The following SEMA6D variants were observed in gnomAD, a reference collection of about 807,000 sequenced individuals.
SEMA6D encodes the protein semaphorin 6D.
SEMA6D carries 35 observed loss-of-function variants against 106.6 expected under a neutral mutation model. The ratio of observed to expected loss-of-function variants is 0.33; its 90% CI spans 0.25 to 0.44. SEMA6D has a LOEUF of 0.44. SEMA6D is among the 20% of genes least tolerant of loss of function. SEMA6D has a pLI of 1.00. For synonymous variants in SEMA6D, 499 were observed against 487.7 expected, an observed-to-expected ratio of 1.02 and a Z score of -0.31; for missense variants, 1,185 against 1,345.9, an observed-to-expected ratio of 0.88 and a Z score of 1.87.
At position 47,720,904 on chromosome 15, in the gene SEMA6D, A is replaced by G. The variant is rs146493209; in HGVS notation, c.-55+3212A>G. 6.0e-3 allele frequency among the ~76,000 whole-genome samples: 913 copies of G among 152,362 alleles called. 7 individuals are homozygous for G. The highest frequency in any genetic ancestry group is 0.021 in the Admixed American group (315 of 15,306). On this transcript the variant is annotated intron_variant, in intron 1 of 18. Coordinates refer to ENST00000536845, the MANE Select transcript of SEMA6D (RefSeq NM_001358351.3). Reference sequence around the variant, plus strand: ...GAGCCTGGCTGAATGCCTAACCATTAGTAGTGTAACCGTAGGAGGTGAACT... The same window carrying G: ...GAGCCTGGCTGAATGCCTAACCATTGGTAGTGTAACCGTAGGAGGTGAACT...
Position 47,770,641 on chromosome 15 carries a change from A to G in SEMA6D, c.2078A>G (p.Lys693Arg), listed in dbSNP as rs747256515. 6.2e-7 allele frequency: 1 copy of G among 1,614,080 alleles called. No individual in the cohort carries two copies. Among genetic ancestry groups the G allele is most frequent in the South Asian group, 1.1e-5 (1 of 91,074 alleles). Residue 693 changes from lysine to arginine, a missense_variant, in exon 19 of 19, where the codon AAA (lysine) becomes AGA (arginine). Transcript: ENST00000536845. ...VYCYRDMFVRKNRKIHKDAES... is the reference protein window; with the variant it reads ...VYCYRDMFVRRNRKIHKDAES... ...TGCTATCGAGACATGTTTGTTCGGA[A>G]AAACAGAAAGATCCATAAAGATGCA...
intron 2 of SEMA6D, among the ~76,000 whole-genome samples, chr15:47,443,877 TCTAA>T (rs36033608): frequency 0.26 from 39,272 of 151,850 alleles, 5,637 homozygotes; most frequent in Middle Eastern, 0.45. Context: ...TCTTGGCATA[TCTAA>T]CTAAGAACAG....
At chr15:47,224,165 GA>G (rs11334920) in intron 1 of SEMA6D, among the ~76,000 whole-genome samples, 62,798 of 146,362 alleles carry the variant, frequency 0.43, 14,332 homozygotes, top group African/African-American at 0.58. Flanking sequence ...AATAATAAAA[GA>G]AAAAAAAATA....
In SEMA6D at chr15:47,761,019, C is replaced by G. The variant is rs150296354; in HGVS notation, c.263C>G (p.Thr88Arg). The change falls in exon 4 of 19, where the codon ACA becomes AGA. Residue 88 changes from threonine (T) to arginine (R), a missense_variant. Thr to Arg is a moderately conservative substitution (Grantham distance 71). This residue lies in a region of SEMA6D where 144 missense variants were observed against 138.6 expected (regional missense o/e 1.04). Transcript: ENST00000536845. ...YTVNLNEMPK[T>R]EVIPNKKLTW... ...GTAAACTTAAATGAAATGCCCAAAA[C>G]AGAAGTAATACCCAACAAGGTGAGC... The G allele has an allele frequency of 1.1e-5, 17 of 1,613,416 alleles. No homozygotes were observed. The highest frequency in any genetic ancestry group is 1.6e-4 in the Middle Eastern group (1 of 6,072).
At chr15:47,267,328 G>C (rs1566961968) in intron 1 of SEMA6D, among the ~76,000 whole-genome samples, 1 of 151,454 alleles carries the variant, frequency 6.6e-6, no homozygotes, top group Non-Finnish European at 1.5e-5. Context: ...TTTCTACTTG[G>C]AAGTAACTTT....
chr15:47,494,935 T>C (rs1842213250), intron 3 of SEMA6D, among the ~76,000 whole-genome samples: 1 of 151,042 alleles, frequency 6.6e-6, no homozygotes. Context: ...GGAAGAGAAA[T>C]GCAGTTTTTT....
At chr15:47,532,818 T>A (rs2045018733) in intron 3 of SEMA6D, among the ~76,000 whole-genome samples, 2 of 152,214 alleles carry the variant, frequency 1.3e-5, no homozygotes, top group Non-Finnish European at 2.9e-5. Context: ...TGAGTACAGC[T>A]GGATACCAGG....
At chr15:47,761,924 T>C (rs954984743) in intron 7 of SEMA6D, among the ~76,000 whole-genome samples, 173 bp downstream of exon 7, 3 of 152,190 alleles carry the variant, frequency 2.0e-5, no homozygotes, top group African/African-American at 7.2e-5. Context: ...GGCAAGGATA[T>C]TTCAGTGCAC....
intron 1 of SEMA6D, among the ~76,000 whole-genome samples, chr15:47,394,183 C>T (rs1343088243): frequency 1.3e-5 from 2 of 152,090 alleles, no homozygotes; most frequent in Non-Finnish European, 2.9e-5. Context: ...CTATCATAGT[C>T]CACATAGCCA....
intron 1 of SEMA6D, among the ~76,000 whole-genome samples, chr15:47,348,675 A>ACT (rs1345986669): frequency 2.4e-5 from 2 of 82,112 alleles, no homozygotes; most frequent in Non-Finnish European, 4.2e-5. Flanking sequence ...AGAGTACATC[A>ACT]CACACACACA....
In SEMA6D at chr15:47,650,680, A is replaced by G. The variant is rs552683891; in HGVS notation, c.-55+49784A>G. Among the ~76,000 whole-genome samples, 536 of 152,328 alleles carry G rather than the reference A, an allele frequency of 3.5e-3. 2 individuals are homozygous for G. The highest frequency in any genetic ancestry group is 0.013 in the African/African-American group (525 of 41,574). ...GAGAAACAGTTATTCTAGTTCCCCTATAGAGAATAGGAAAATGCAGATTAA... is the reference window on the plus strand; with the variant it reads ...GAGAAACAGTTATTCTAGTTCCCCTGTAGAGAATAGGAAAATGCAGATTAA... On this transcript the variant is annotated intron_variant, in intron 4 of 19. Coordinates refer to the SEMA6D transcript ENST00000558014.
At chr15:47,541,080 G>GTGCTCCATAAAAAA (rs2045339703) in intron 3 of SEMA6D, among the ~76,000 whole-genome samples, 1 of 152,132 alleles carries the variant, frequency 6.6e-6, no homozygotes, top group African/African-American at 2.4e-5. Context: ...ACAATACAGA[G>GTGCTCCATAAAAAA]AGGCTGTGTT....
chr15:47,367,678 ACGCGCG>A (rs144860630), intron 1 of SEMA6D, among the ~76,000 whole-genome samples: 5 of 137,640 alleles, frequency 3.6e-5, no homozygotes, highest in African/African-American at 1.6e-4. Context: ...GCACGCTCAC[ACGCGCG>A]CGCGCGCGCA....
intron 4 of SEMA6D, among the ~76,000 whole-genome samples, chr15:47,700,934 A>G (rs1323138086): frequency 2.0e-5 from 3 of 152,232 alleles, no homozygotes; most frequent in Non-Finnish European, 4.4e-5. Context: ...TAATCTAGAC[A>G]GAGACCTTAT....
At chr15:47,269,915 A>G (rs1264669042) in intron 1 of SEMA6D, among the ~76,000 whole-genome samples, 1 of 151,668 alleles carries the variant, frequency 6.6e-6, no homozygotes, top group Non-Finnish European at 1.5e-5. Context: ...TATTTTTGCC[A>G]TCATAAGTCT....
At chr15:47,496,552 T>C (rs1235996774) in intron 3 of SEMA6D, among the ~76,000 whole-genome samples, 1 of 152,056 alleles carries the variant, frequency 6.6e-6, no homozygotes, top group African/African-American at 2.4e-5. Flanking sequence ...CCGATACCAA[T>C]GACTCAGTCA....
intron 1 of SEMA6D, among the ~76,000 whole-genome samples, chr15:47,261,609 T>C (rs2034078539): frequency 6.6e-6 from 1 of 152,176 alleles, no homozygotes; most frequent in African/African-American, 2.4e-5. Context: ...CACAGTTGAT[T>C]TTAAAACATT....
intron 3 of SEMA6D, among the ~76,000 whole-genome samples, chr15:47,480,749 A>G (rs570764808): frequency 5.4e-4 from 83 of 152,300 alleles, no homozygotes; most frequent in African/African-American, 1.9e-3. Context: ...GTAATACTAC[A>G]ACATTTTTGA....
chr15:47,494,817 A>G (rs150737479), intron 3 of SEMA6D, among the ~76,000 whole-genome samples: 3,482 of 140,908 alleles, frequency 0.025, 56 homozygotes, highest in Middle Eastern at 0.063. Flanking sequence ...ACACACACAC[A>G]CACACACACA....
Sources: gnomAD v4.1 joint callset for allele counts (sites outside exome capture counted in the v4.1 genomes callset) on GRCh38, gnomAD v4.1.1 for gene constraint, gnomAD v4.1.1 regional missense constraint, MANE v1.5 for transcripts, NCBI Gene and HGNC (gene_info 2026-07-23, HGNC 2026-07-21) for gene names.